The following ANP32E variants were observed in gnomAD, a reference collection of about 807,000 sequenced individuals.
ANP32E encodes acidic nuclear phosphoprotein 32 family member E.
A neutral mutation model predicts 35.3 loss-of-function variants in ANP32E; 14 were observed. The ratio of observed to expected loss-of-function variants is 0.40; its 90% CI spans 0.26 to 0.62. The LOEUF (loss-of-function observed/expected upper bound fraction) is 0.62. ANP32E is among the 20% of genes least tolerant of loss of function. The pLI is 0.45. For synonymous variants in ANP32E, 89 were observed against 110.4 expected (o/e 0.81, Z 1.22); for missense variants, 198 against 304.4 (o/e 0.65, Z 2.60).
chr1:150,226,007 G>GT (rs34846816), intron 5 of ANP32E, among the ~76,000 whole-genome samples: 79,970 of 138,100 alleles, frequency 0.58, 23,814 homozygotes, highest in Middle Eastern at 0.67. Context: ...GATATAACCT[G>GT]TTTTTTTTTT....
chr1:150,229,304 T>TTC lies in ANP32E; in HGVS notation c.328-68_328-67insGA, dbSNP rs1480079264. On this transcript the variant is annotated intron_variant, in intron 3 of 6. Transcript: ENST00000583931. The stretch of plus-strand genomic sequence containing the variant: ...ACCATGTTATTTCTTTTTTCTTTTT[T>TTC]TTTTTTTTTTTTTGAGACGGAGTCT... 5 of 1,013,326 alleles carry TTC rather than the reference T, an allele frequency of 4.9e-6. No homozygotes were observed. The African/African-American group carries it at 5.3e-5, about 11-fold the overall frequency. 62.8% of individuals were successfully genotyped at this position (1,013,326 alleles called of 1,614,324 possible).
At chr1:150,227,700 A>G (rs1464165700) in intron 4 of ANP32E, among the ~76,000 whole-genome samples, 2 of 151,474 alleles carry the variant, frequency 1.3e-5, no homozygotes, top group African/African-American at 4.8e-5. Context: ...CAATACACCC[A>G]TGGAATAAAC....
intron 3 of ANP32E, among the ~76,000 whole-genome samples, chr1:150,229,853 C>T (rs1553841246): frequency 6.6e-6 from 1 of 152,200 alleles, no homozygotes; most frequent in African/African-American, 2.4e-5. Flanking sequence ...ACCTCATGAT[C>T]GGCTCACCTC....
chr1:150,225,457 G>T (rs1164240338), intron 5 of ANP32E, among the ~76,000 whole-genome samples: 2 of 151,860 alleles, frequency 1.3e-5, no homozygotes, highest in Admixed American at 6.6e-5. Context: ...ATAATTTGAG[G>T]TCAGGAGTTC....
rs997119537 is a variant in ANP32E, at chr1:150,220,728, C to A, written c.770G>T (p.Arg257Leu). ...EGGLRGEKRKRDAEDDGEEED... is the reference protein window; with the variant it reads ...EGGLRGEKRKLDAEDDGEEED... ...TTCCTCTCCATCGTCTTCAGCATCTCGTTTCCTCTTCTCCCCTCGAAGACC... is the reference window on the plus strand; with the variant it reads ...TTCCTCTCCATCGTCTTCAGCATCTAGTTTCCTCTTCTCCCCTCGAAGACC... The change falls in exon 7 of 7, where the codon CGA (arginine) becomes CTA (leucine). Residue 257 changes from arginine (R) to leucine (L), a missense_variant. Coordinates refer to ENST00000583931, the MANE Select transcript of ANP32E (RefSeq NM_030920.5). 1 of 1,614,042 alleles carries A rather than the reference C, an allele frequency of 6.2e-7. No homozygotes were observed. Among genetic ancestry groups the A allele is most frequent in the Non-Finnish European group, 8.5e-7 (1 of 1,179,974 alleles).
chr1:150,236,028 A>C lies in ANP32E; in HGVS notation c.-242T>G. On this transcript the variant is annotated 5_prime_UTR_variant, in exon 1 of 7. Coordinates refer to ENST00000583931, the MANE Select transcript of ANP32E (RefSeq NM_030920.5). ...TCCACACACTAGCGCGCGCACACACACGCACGCACGCGCGCACACACATAC... is the reference window on the plus strand; with the variant it reads ...TCCACACACTAGCGCGCGCACACACCCGCACGCACGCGCGCACACACATAC... 1.5e-5 allele frequency: 8 copies of C among 520,386 alleles called. No individual in the cohort carries two copies. The highest frequency in any genetic ancestry group is 4.2e-5 in the South Asian group (2 of 47,934). 32.2% of individuals were successfully genotyped at this position (520,386 alleles called of 1,614,324 possible). A position where few individuals can be genotyped will look rare whatever the true frequency, so the allele number is the denominator to read the frequency against.
chr1:150,226,795 T>C lies in ANP32E; in HGVS notation c.494A>G (p.Asp165Gly). Reference protein sequence around the residue: ...APDSEEEDDEDGDEDDEEEEE... With the variant: ...APDSEEEDDEGGDEDDEEEEE... ...TTCCTCTTCATCATCTTCATCGCCA[T>C]CTTTAAAAAATCATTTAAAGATGAG... Residue 165 changes from aspartate (D) to glycine (G), a missense_variant and splice_region_variant, in exon 5 of 7, where the codon GAT becomes GGT. Asp to Gly is a moderately conservative substitution (Grantham distance 94). Transcript: ENST00000583931. The C allele has an allele frequency of 3.8e-6, 6 of 1,597,094 alleles. No individual in the cohort carries two copies. Among genetic ancestry groups the C allele is most frequent in the Non-Finnish European group, 5.1e-6 (6 of 1,174,868 alleles).
At chr1:150,223,293 C>T (rs782354646) in intron 5 of ANP32E, 53 bp from the exon 6 acceptor site, 9 of 1,511,722 alleles carry the variant, frequency 6.0e-6, no homozygotes, top group Middle Eastern at 1.7e-4. Flanking sequence ...TGATTTTTCA[C>T]TCTTTCTTGT....
chr1:150,226,704 A>T lies in ANP32E; in HGVS notation c.585T>A (p.Asp195Glu). The T allele has an allele frequency of 6.3e-7, 1 of 1,576,340 alleles. No individual in the cohort carries two copies. The highest frequency in any genetic ancestry group is 8.7e-7 in the Non-Finnish European group (1 of 1,151,774). Residue 195 changes from aspartate (D) to glutamate (E), a missense_variant, in exon 5 of 7, where the codon GAT becomes GAA. By Grantham distance (45) the Asp-to-Glu change is conservative. Coordinates refer to ENST00000583931, the MANE Select transcript of ANP32E (RefSeq NM_030920.5). ...CATCTTCATCTTCATCCTCATCCTC[A>T]TCCTCCTCTTCCTCTTCCTCCTCCT... is the stretch of plus-strand genomic sequence containing the variant. ...EEEEEEEEEEDEDEDEDEDEA... is the reference protein window; with the variant it reads ...EEEEEEEEEEEEDEDEDEDEA...
intron 1 of ANP32E, among the ~76,000 whole-genome samples, chr1:150,234,402 T>C (rs1649606222): frequency 6.8e-6 from 1 of 146,270 alleles, no homozygotes; most frequent in Admixed American, 6.9e-5. Context: ...CCCTGGCCCC[T>C]GCCAATTTCA....
At position 150,218,471 on chromosome 1, in the gene ANP32E, T is replaced by C. The variant is rs1648093628; in HGVS notation, c.*2220A>G. On this transcript the variant is annotated 3_prime_UTR_variant, in exon 7 of 7. Coordinates refer to ENST00000583931, the MANE Select transcript of ANP32E (RefSeq NM_030920.5). ...TGAAGCAATTCAGTTTCAAAAACTT[T>C]AAGTTACAGCAGTCACAGAAAAAAA... 1 of 152,544 alleles carries C rather than the reference T, an allele frequency of 6.6e-6. No homozygotes were observed. The highest frequency in any genetic ancestry group is 1.5e-5 in the Non-Finnish European group (1 of 68,022). The allele number at this position is 152,544 out of a possible 1,614,324, so 9.4% of individuals were successfully genotyped here.
chr1:150,223,409 G>A (rs1235199668), intron 5 of ANP32E, 169 bp from the exon 6 acceptor site: 5 of 819,148 alleles, frequency 6.1e-6, no homozygotes, highest in Admixed American at 2.9e-5. Context: ...GGCCGGGCGC[G>A]GTGGCTCACG....
intron 1 of ANP32E, among the ~76,000 whole-genome samples, chr1:150,232,362 C>T (rs1250649212): frequency 1.2e-5 from 1 of 85,170 alleles, no homozygotes; most frequent in African/African-American, 3.9e-5. Flanking sequence ...AAAAAAATAA[C>T]AACACAACAG....
In ANP32E at chr1:150,219,186, C is replaced by G. The variant is rs1571999529; in HGVS notation, c.*1505G>C. Reference sequence around the variant, plus strand: ...CATAACTTCAATTAATTTGCTGACACTAACTTCTTAAAAACTTACAAATAT... The same window carrying G: ...CATAACTTCAATTAATTTGCTGACAGTAACTTCTTAAAAACTTACAAATAT... On this transcript the variant is annotated 3_prime_UTR_variant, in exon 7 of 7. Transcript: ENST00000583931. 1.3e-5 allele frequency: 2 copies of G among 152,098 alleles called. No homozygotes were observed. The highest frequency in any genetic ancestry group is 4.1e-4 in the South Asian group (2 of 4,838). 9.4% of individuals were successfully genotyped at this position (152,098 alleles called of 1,614,324 possible).
chr1:150,228,911 A>G (rs1303556910), intron 4 of ANP32E, among the ~76,000 whole-genome samples, 161 bp downstream of exon 4: 1 of 152,188 alleles, frequency 6.6e-6, no homozygotes, highest in Non-Finnish European at 1.5e-5. Flanking sequence ...CTGAAAGAAG[A>G]AATACTGGCT....
chr1:150,232,833 GAAAC>G (rs2101795173), intron 1 of ANP32E, among the ~76,000 whole-genome samples: 1 of 152,208 alleles, frequency 6.6e-6, no homozygotes, highest in South Asian at 2.1e-4. Flanking sequence ...TGATGCATAA[GAAAC>G]AAACTTTGAA....
Position 150,219,020 on chromosome 1 carries a change from C to T in ANP32E, c.*1671G>A, listed in dbSNP as rs1189942138. 2 of 152,114 alleles carry T rather than the reference C, an allele frequency of 1.3e-5. No homozygotes were observed. The highest frequency in any genetic ancestry group is 2.4e-5 in the African/African-American group (1 of 41,426). 9.4% of individuals were successfully genotyped at this position (152,114 alleles called of 1,614,324 possible). A position where few individuals can be genotyped will look rare whatever the true frequency, so the allele number is the denominator to read the frequency against. On this transcript the variant is annotated 3_prime_UTR_variant, in exon 7 of 7. Transcript: ENST00000583931. ...AAACTTATCCCCAAGGGTTTTCTTT[C>T]GGTCAGTTGTACAACATTTTTAGTT...
Position 150,235,595 on chromosome 1 carries a change from A to G in ANP32E, c.54+138T>C. On this transcript the variant is annotated intron_variant, in intron 1 of 6. Transcript: ENST00000583931. The surrounding 1 kb of genome is among the most constrained non-coding windows in gnomAD (Gnocchi z 4.2). ...TTTAATGATTTAAAACTTAAAATTAAACATTTCCCCAACCCTAACCCGGGG... is the reference window on the plus strand; with the variant it reads ...TTTAATGATTTAAAACTTAAAATTAGACATTTCCCCAACCCTAACCCGGGG... 1.1e-6 allele frequency: 1 copy of G among 915,266 alleles called. No homozygotes were observed. 56.7% of individuals were successfully genotyped at this position (915,266 alleles called of 1,614,324 possible). A position where few individuals can be genotyped will look rare whatever the true frequency, so the allele number is the denominator to read the frequency against.
chr1:150,235,627 G>A lies in ANP32E; in HGVS notation c.54+106C>T, dbSNP rs1649718532. 1.6e-6 allele frequency: 2 copies of A among 1,241,740 alleles called. No homozygotes were observed. The highest frequency in any genetic ancestry group is 1.3e-5 in the South Asian group (1 of 75,426). 76.9% of individuals were successfully genotyped at this position (1,241,740 alleles called of 1,614,324 possible). ...CCCCAACCCTAACCCGGGGGGATGG[G>A]GGCTAACTTATTACTCCATCCCCGC... On this transcript the variant is annotated intron_variant, in intron 1 of 6. Transcript: ENST00000583931. The surrounding 1 kb of genome is among the most constrained non-coding windows in gnomAD (Gnocchi z 4.2).
Sources: allele counts gnomAD v4.1 joint callset (sites outside exome capture counted in the v4.1 genomes callset), GRCh38; gene constraint gnomAD v4.1.1; non-coding constraint Gnocchi (gnomAD v3.1); transcripts MANE v1.5; gene names NCBI Gene and HGNC (gene_info 2026-07-23, HGNC 2026-07-21).